The following DLG2 variants were observed in gnomAD, a reference collection of about 807,000 sequenced individuals.
The protein encoded by DLG2 is discs large MAGUK scaffold protein 2.
DLG2 carries 45 observed loss-of-function variants against 132.5 expected under a neutral mutation model. The observed-to-expected ratio is 0.34, with a 90% CI of 0.27 to 0.44. DLG2 has a LOEUF of 0.44. Ranked by LOEUF, DLG2 falls within the 20% of genes least tolerant of loss-of-function variation. The pLI, the probability that DLG2 is intolerant of heterozygous loss-of-function variation, is 1.00. For synonymous variants in DLG2, 424 were observed against 419.6 expected (o/e 1.01, Z -0.13); for missense variants, 1,045 against 1,196.9 (o/e 0.87, Z 1.87).
intron 6 of DLG2, among the ~76,000 whole-genome samples, chr11:84,660,454 T>G (rs1004234349): frequency 1.3e-5 from 2 of 152,176 alleles, no homozygotes; most frequent in African/African-American, 2.4e-5. Flanking sequence ...TGCATCACCA[T>G]AATGGTGTGT....
intron 2 of DLG2, among the ~76,000 whole-genome samples, chr11:85,621,257 A>T (rs1162259620): frequency 6.6e-6 from 1 of 152,050 alleles, no homozygotes; most frequent in Non-Finnish European, 1.5e-5. Flanking sequence ...ATTACTACTC[A>T]TTGACAATGC....
At chr11:83,616,797 T>C (rs2060884259) in intron 19 of DLG2, among the ~76,000 whole-genome samples, 1 of 152,192 alleles carries the variant, frequency 6.6e-6, no homozygotes, top group Non-Finnish European at 1.5e-5. Flanking sequence ...TTTTTATCTA[T>C]AATCCATGTA....
At chr11:83,855,483 A>G (rs1387921330) in intron 16 of DLG2, among the ~76,000 whole-genome samples, 2 of 152,238 alleles carry the variant, frequency 1.3e-5, no homozygotes, top group East Asian at 1.9e-4. Flanking sequence ...ATGGAACATT[A>G]TTCATCACCA....
intron 4 of DLG2, among the ~76,000 whole-genome samples, chr11:85,160,855 A>G (rs2077976939): frequency 6.6e-6 from 1 of 151,930 alleles, no homozygotes; most frequent in African/African-American, 2.4e-5. Flanking sequence ...CCTGCATACT[A>G]CAGCTGCAGC....
chr11:85,256,154 G>C lies in DLG2; in HGVS notation c.186+29066C>G, dbSNP rs75305086. ...TTTGGCCAGCCACGCCCCCTATCCTGTACCCATATAAACCCCAAACCCCAG... is the reference window on the plus strand; with the variant it reads ...TTTGGCCAGCCACGCCCCCTATCCTCTACCCATATAAACCCCAAACCCCAG... On this transcript the variant is annotated intron_variant, in intron 4 of 27. Coordinates refer to ENST00000376104, the MANE Select transcript of DLG2 (RefSeq NM_001142699.3). 3.0e-4 allele frequency among the ~76,000 whole-genome samples: 46 copies of C among 152,202 alleles called. No individual in the cohort carries two copies. In the East Asian group the frequency reaches 8.1e-3, roughly 27 times the overall value.
chr11:83,916,674 T>C (rs1207080613), intron 15 of DLG2, among the ~76,000 whole-genome samples: 1 of 152,162 alleles, frequency 6.6e-6, no homozygotes, highest in African/African-American at 2.4e-5. Context: ...AATTTAAAAT[T>C]GTATAAAGTG....
At chr11:84,911,466 C>A (rs1343621343) in intron 6 of DLG2, among the ~76,000 whole-genome samples, 1 of 151,754 alleles carries the variant, frequency 6.6e-6, no homozygotes, top group Non-Finnish European at 1.5e-5. Context: ...CAAAAAACTT[C>A]TCAATTATTT....
At chr11:83,940,457 T>C (rs2082393446) in intron 14 of DLG2, among the ~76,000 whole-genome samples, 1 of 152,184 alleles carries the variant, frequency 6.6e-6, no homozygotes, top group Non-Finnish European at 1.5e-5. Context: ...AATCCTCCCA[T>C]GAAACCTAAG....
At chr11:85,157,711 A>G (rs184729395) in intron 4 of DLG2, among the ~76,000 whole-genome samples, 116 of 152,274 alleles carry the variant, frequency 7.6e-4, no homozygotes, top group African/African-American at 2.7e-3. Context: ...GTAGAGAAAG[A>G]TATGAAATTG....
chr11:85,596,073 C>A (rs936481663), intron 3 of DLG2, among the ~76,000 whole-genome samples: 2 of 151,802 alleles, frequency 1.3e-5, no homozygotes, highest in Admixed American at 6.6e-5. Context: ...GGAAACATAG[C>A]GAGACCCCAT....
intron 6 of DLG2, among the ~76,000 whole-genome samples, chr11:84,931,515 C>T (rs766366080): frequency 7.9e-5 from 12 of 152,108 alleles, no homozygotes; most frequent in South Asian, 2.1e-4. Context: ...TTTTTATGGA[C>T]GCATAGTATT....
At chr11:85,613,990 C>T (rs1036958664) in intron 2 of DLG2, among the ~76,000 whole-genome samples, 10 of 152,022 alleles carry the variant, frequency 6.6e-5, no homozygotes, top group Admixed American at 3.9e-4. Context: ...ACATGCACCG[C>T]GAAGGTCTGC....
intron 6 of DLG2, among the ~76,000 whole-genome samples, chr11:84,750,387 T>C (rs1050055076): frequency 6.6e-6 from 1 of 152,188 alleles, no homozygotes; most frequent in East Asian, 1.9e-4. Flanking sequence ...AAAGTGAGGT[T>C]TGAAGTCGGA....
intron 2 of DLG2, among the ~76,000 whole-genome samples, chr11:85,624,664 T>C (rs1381366998): frequency 6.6e-6 from 1 of 152,214 alleles, no homozygotes; most frequent in African/African-American, 2.4e-5. Flanking sequence ...TTGTCTATAA[T>C]ATTCAAGAAT....
rs568302722 is a variant in DLG2 at position 85,270,175 on chromosome 11, G to A, written c.186+15045C>T. Reference sequence around the variant, plus strand: ...GTAACTCCCATAATTCCCACATGTTGTGGCAGGGACCTAATGGGAGGTAAT... The same window carrying A: ...GTAACTCCCATAATTCCCACATGTTATGGCAGGGACCTAATGGGAGGTAAT... On this transcript the variant is annotated intron_variant, in intron 4 of 27. Transcript: ENST00000376104. 1.4e-4 allele frequency among the ~76,000 whole-genome samples: 21 copies of A among 152,286 alleles called. No homozygotes were observed. In the South Asian group the frequency reaches 2.1e-3, roughly 15 times the overall value.
chr11:85,083,817 C>T (rs1388637724), intron 6 of DLG2, among the ~76,000 whole-genome samples: 1 of 152,014 alleles, frequency 6.6e-6, no homozygotes. Flanking sequence ...GTTTTAAGGT[C>T]TCTGTTTTAA....
chr11:84,847,388 TAAG>T (rs1381978692), intron 6 of DLG2, among the ~76,000 whole-genome samples: 1 of 152,180 alleles, frequency 6.6e-6, no homozygotes, highest in Non-Finnish European at 1.5e-5. Context: ...TCTATTTAGT[TAAG>T]AAGATTTCCA....
chr11:85,360,085 T>C (rs548924939), intron 3 of DLG2, among the ~76,000 whole-genome samples: 3 of 152,316 alleles, frequency 2.0e-5, no homozygotes, highest in South Asian at 4.1e-4. Context: ...AGATGATCCC[T>C]GTGCTGTGTG....
intron 7 of DLG2, among the ~76,000 whole-genome samples, chr11:84,381,938 G>T (rs1389343802): frequency 1.3e-5 from 2 of 152,156 alleles, no homozygotes; most frequent in African/African-American, 2.4e-5. Flanking sequence ...TTCAGCTTCT[G>T]GAGCATGGGG....
Sources: allele counts gnomAD v4.1 joint callset (sites outside exome capture counted in the v4.1 genomes callset), GRCh38; gene constraint gnomAD v4.1.1; transcripts MANE v1.5; gene names NCBI Gene and HGNC (gene_info 2026-07-23, HGNC 2026-07-21).